Variants in ZBTB44 observed in about 807,000 individuals in gnomAD.
The protein encoded by ZBTB44 is zinc finger and BTB domain containing 44.
Under a neutral mutation model 54.0 loss-of-function variants are expected in ZBTB44, and 15 were observed. That is an observed-to-expected ratio of 0.28 (90% CI 0.19 to 0.43). The LOEUF is 0.43. Ranked by LOEUF, ZBTB44 falls within the 20% of genes least tolerant of loss-of-function variation. The pLI is 1.00. For missense variants in ZBTB44, 487 were observed against 707.1 expected (o/e 0.69, Z 3.53); for synonymous variants, 230 against 250.1 (o/e 0.92, Z 0.76).
intron 2 of ZBTB44, among the ~76,000 whole-genome samples, chr11:130,255,966 A>T (rs1313289194): frequency 1.3e-5 from 2 of 151,798 alleles, no homozygotes; most frequent in African/African-American, 4.8e-5. Context: ...CTACCAACCA[A>T]AAAAAGCCCA....
chr11:130,295,329 C>T (rs903258332), intron 1 of ZBTB44, among the ~76,000 whole-genome samples: 4 of 152,112 alleles, frequency 2.6e-5, no homozygotes, highest in African/African-American at 9.7e-5. Flanking sequence ...CCTAAAAAAT[C>T]TCCCCAGAAA....
At chr11:130,295,513 G>A (rs562855650) in intron 1 of ZBTB44, 42 of 704,310 alleles carry the variant, frequency 6.0e-5, no homozygotes, top group Admixed American at 2.2e-4. Context: ...ACGTAGAGAA[G>A]CCAGATAATG....
chr11:130,287,077 T>C (rs1469824563), intron 1 of ZBTB44, among the ~76,000 whole-genome samples: 1 of 152,226 alleles, frequency 6.6e-6, no homozygotes, highest in African/African-American at 2.4e-5. Flanking sequence ...GCAAATTCAA[T>C]GTCTGAAAAC....
chr11:130,274,213 G>A (rs1393222293), intron 1 of ZBTB44, among the ~76,000 whole-genome samples: 2 of 152,148 alleles, frequency 1.3e-5, no homozygotes, highest in African/African-American at 4.8e-5. Context: ...AGGATTTTGA[G>A]CGTCATGTTG....
intron 1 of ZBTB44, among the ~76,000 whole-genome samples, chr11:130,294,319 CAA>C (rs539398654): frequency 6.6e-6 from 1 of 151,644 alleles, no homozygotes; most frequent in Non-Finnish European, 1.5e-5. Context: ...GCCTGAGGCA[CAA>C]GAATTGCTTG....
At chr11:130,304,602 T>C (rs1455403470) in intron 1 of ZBTB44, among the ~76,000 whole-genome samples, 1 of 152,090 alleles carries the variant, frequency 6.6e-6, no homozygotes, top group African/African-American at 2.4e-5. Flanking sequence ...AATAAGAATA[T>C]ACATATATTT....
intron 2 of ZBTB44, among the ~76,000 whole-genome samples, chr11:130,251,934 T>G (rs1435668186): frequency 6.6e-6 from 1 of 152,152 alleles, no homozygotes; most frequent in Non-Finnish European, 1.5e-5. Context: ...TAACCTTAAA[T>G]GTAAATGGGC....
rs764736715 is a variant in ZBTB44, at chr11:130,238,589, A to G, written c.1122T>C (p.Tyr374=). 1.9e-6 allele frequency: 3 copies of G among 1,609,182 alleles called. No individual in the cohort carries two copies. The highest frequency in any genetic ancestry group is 2.5e-6 in the Non-Finnish European group (3 of 1,178,538). Residue 374 remains tyrosine (Y), a synonymous_variant, in exon 4 of 8, where the codon TAT becomes TAC. Transcript: ENST00000357899. ...DDDDRLENVQ[Y]PYQLYIAPST... ...AAGGAGCAATGTAGAGTTGGTAGGG[A>G]TACTGAACATTTTCCAATCTAAAAA...
rs199833780 is a variant in ZBTB44 at position 130,239,847 on chromosome 11, C to A, written c.1068G>T (p.Thr356=). 4 of 1,612,408 alleles carry A rather than the reference C, an allele frequency of 2.5e-6. No homozygotes were observed. Among genetic ancestry groups the A allele is most frequent in the Admixed American group, 3.3e-5 (2 of 59,960 alleles). ...VSEGLPTLQS[T]SSTNAPPDDD... is the part of the protein sequence containing the mutation. Reference sequence around the variant, plus strand: ...CATCCGGAGGAGCATTAGTGCTAGACGTGCTTTGAAGTGTAGGCAAGCCCT... The same window carrying A: ...CATCCGGAGGAGCATTAGTGCTAGAAGTGCTTTGAAGTGTAGGCAAGCCCT... Residue 356 remains threonine, a synonymous_variant, in exon 3 of 8, where the codon ACG becomes ACT. Coordinates refer to ENST00000357899, the MANE Select transcript of ZBTB44 (RefSeq NM_001301098.2).
chr11:130,240,203 G>C (rs932155697), intron 2 of ZBTB44, among the ~76,000 whole-genome samples: 1 of 151,886 alleles, frequency 6.6e-6, no homozygotes, highest in Non-Finnish European at 1.5e-5. Flanking sequence ...CACCACGCCC[G>C]GCTCATTTTT....
At chr11:130,242,934 G>C (rs1018358291) in intron 2 of ZBTB44, among the ~76,000 whole-genome samples, 2 of 152,118 alleles carry the variant, frequency 1.3e-5, no homozygotes, top group African/African-American at 4.8e-5. Flanking sequence ...GTCTCTCTCT[G>C]TGTAGCACTG....
At chr11:130,293,718 C>T (rs1002038273) in intron 1 of ZBTB44, among the ~76,000 whole-genome samples, 1 of 151,720 alleles carries the variant, frequency 6.6e-6, no homozygotes, top group African/African-American at 2.4e-5. Context: ...ATCAGTTGAA[C>T]CTGGGAGGCG....
rs1348541583 is a variant in ZBTB44 at position 130,238,800 on chromosome 11, T to A, written c.1104-193A>T. 7 of 616,624 alleles carry A rather than the reference T, an allele frequency of 1.1e-5. No homozygotes were observed. In the East Asian group the frequency reaches 1.7e-4, roughly 15 times the overall value. The allele number at this position is 616,624 out of a possible 1,614,324, so 38.2% of individuals were successfully genotyped here. A position where few individuals can be genotyped will look rare whatever the true frequency, so the allele number is the denominator to read the frequency against. On this transcript the variant is annotated intron_variant, in intron 3 of 7. Coordinates refer to ENST00000357899, the MANE Select transcript of ZBTB44 (RefSeq NM_001301098.2). ...ATGTCCAGAATGCCTTTTGTTTTTT[T>A]TTTTTATTTTTTGAGACGGAGTTAG...
At chr11:130,268,898 AG>A (rs1565665199) in intron 1 of ZBTB44, among the ~76,000 whole-genome samples, 117 of 151,600 alleles carry the variant, frequency 7.7e-4, no homozygotes, top group African/African-American at 2.8e-3. Flanking sequence ...TAAGAGAGAG[AG>A]AGAGAGAAAA....
intron 1 of ZBTB44, among the ~76,000 whole-genome samples, chr11:130,304,045 A>G (rs1243586281): frequency 3.3e-5 from 5 of 152,334 alleles, no homozygotes; most frequent in South Asian, 2.1e-4. Context: ...GTGGCCTTCA[A>G]GCATAATACA....
chr11:130,286,674 CATTCA>C (rs752626073), intron 1 of ZBTB44, among the ~76,000 whole-genome samples: 3 of 152,238 alleles, frequency 2.0e-5, no homozygotes, highest in East Asian at 3.8e-4. Context: ...GAGTATTTCA[CATTCA>C]ATTCAATTAT....
rs748514527 is a variant in ZBTB44, at chr11:130,236,851, C to T, written c.1510G>A (p.Val504Met). ...AMFTNSGNLIVHLRSLNHEAS... is the reference protein window; with the variant it reads ...AMFTNSGNLIMHLRSLNHEAS... ...TCATGGTTCAGACTCCTCAGGTGCACGATTAAATTTCCAGAGTTGGTGAAC... is the reference window on the plus strand; with the variant it reads ...TCATGGTTCAGACTCCTCAGGTGCATGATTAAATTTCCAGAGTTGGTGAAC... Residue 504 changes from valine (V) to methionine (M), a missense_variant, in exon 5 of 8, where the codon GTG (valine) becomes ATG (methionine). By Grantham distance (21) the Val-to-Met change is conservative (BLOSUM62 1). Transcript: ENST00000357899. The T allele has an allele frequency of 7.4e-6, 11 of 1,480,366 alleles. No individual in the cohort carries two copies. The highest frequency in any genetic ancestry group is 2.9e-5 in the African/African-American group (2 of 70,128). 91.7% of individuals were successfully genotyped at this position (1,480,366 alleles called of 1,614,324 possible). A position where few individuals can be genotyped will look rare whatever the true frequency, so the allele number is the denominator to read the frequency against.
At position 130,283,969 on chromosome 11, in the gene ZBTB44, C is replaced by CAAAAAAAAAAAAAAAAAAAAAAAAAA. The variant is rs71061377; in HGVS notation, c.-56-22066_-56-22041dup. 4.6e-4 allele frequency among the ~76,000 whole-genome samples: 21 copies of CAAAAAAAAAAAAAAAAAAAAAAAAAA among 45,176 alleles called. 2 individuals carry two copies. The highest frequency in any genetic ancestry group is 8.8e-4 in the South Asian group (1 of 1,130). The allele number at this position is 45,176 out of a possible 152,430, so 29.6% of individuals were successfully genotyped here. On this transcript the variant is annotated intron_variant, in intron 1 of 7. Transcript: ENST00000357899. ...TGGGTGACAGAGTAAGACTCCATCT[C>CAAAAAAAAAAAAAAAAAAAAAAAAAA]AAAAAAAAAAAAAAAAAAAAAAAAA...
intron 1 of ZBTB44, among the ~76,000 whole-genome samples, chr11:130,304,432 A>C (rs1471404623): frequency 6.6e-6 from 1 of 152,190 alleles, no homozygotes; most frequent in Non-Finnish European, 1.5e-5. Context: ...AAGCCTCCTA[A>C]GTAATGAGGG....
Sources: allele counts gnomAD v4.1 joint callset (sites outside exome capture counted in the v4.1 genomes callset), GRCh38; gene constraint gnomAD v4.1.1; transcripts MANE v1.5; gene names NCBI Gene and HGNC (gene_info 2026-07-23, HGNC 2026-07-21).